The following RAB22A variants were observed in gnomAD, a reference collection of about 807,000 sequenced individuals.
RAB22A encodes the protein RAB22A, member RAS oncogene family.
In RAB22A, 13 loss-of-function variants were observed where a neutral mutation model predicts 30.2. That is an observed-to-expected ratio of 0.43 (90% CI 0.28 to 0.68). The LOEUF (loss-of-function observed/expected upper bound fraction) is 0.68, where lower values mean the gene tolerates loss of function less well. Among genes scored for constraint, RAB22A ranks in the 30% least tolerant of loss-of-function variants. RAB22A has a pLI of 0.18. For missense variants in RAB22A, 177 were observed against 246.8 expected (o/e 0.72, Z 1.89); for synonymous variants, 89 against 87.2 (o/e 1.02, Z -0.11).
intron 2 of RAB22A, among the ~76,000 whole-genome samples, chr20:58,314,079 C>CAG (rs1351472705): frequency 2.0e-5 from 3 of 147,666 alleles, no homozygotes; most frequent in African/African-American, 7.6e-5. Flanking sequence ...GACTGAGTCT[C>CAG]TCTCTATTAC....
rs1392616682 is a variant in RAB22A at position 58,317,598 on chromosome 20, G to A, written c.116+6476G>A. On this transcript the variant is annotated intron_variant, in intron 2 of 6. Coordinates refer to ENST00000244040, the MANE Select transcript of RAB22A (RefSeq NM_020673.3). ...TTTTGAGACAGAGTCTCGCTCTGTC[G>A]CCCAGGCTGGAGTGCAGTGGCGCGA... Among the ~76,000 whole-genome samples, 14 of 131,866 alleles carry A rather than the reference G, an allele frequency of 1.1e-4. No individual in the cohort carries two copies. The East Asian group carries it at 1.3e-3, about 13-fold the overall frequency. The allele number at this position is 131,866 out of a possible 152,430, so 86.5% of individuals were successfully genotyped here.
At chr20:58,343,606 C>T in intron 2 of RAB22A, 112 bp from the exon 3 acceptor site, 1 of 734,038 alleles carries the variant, frequency 1.4e-6, no homozygotes, top group Non-Finnish European at 2.3e-6. Context: ...AATTAGGATA[C>T]AGCGTGGTGC....
chr20:58,351,352 A>G (rs1345769980), intron 3 of RAB22A, among the ~76,000 whole-genome samples: 3 of 152,088 alleles, frequency 2.0e-5, no homozygotes, highest in Admixed American at 2.0e-4. Flanking sequence ...AAAAAAGAAA[A>G]ATGTGCAGTA....
rs1987249076 is a variant in RAB22A, at chr20:58,362,836, C to G, written c.*3133C>G. The G allele has an allele frequency of 6.6e-6, 1 of 152,222 alleles. No individual in the cohort carries two copies. Among genetic ancestry groups the G allele is most frequent in the South Asian group, 2.1e-4 (1 of 4,832 alleles). 9.4% of individuals were successfully genotyped at this position (152,222 alleles called of 1,614,324 possible). Reference sequence around the variant, plus strand: ...CTGTTTCCCATTGTGTACGCACTTTCTGGATGTCTGGAAGGATCGGGACTT... The same window carrying G: ...CTGTTTCCCATTGTGTACGCACTTTGTGGATGTCTGGAAGGATCGGGACTT... On this transcript the variant is annotated 3_prime_UTR_variant, in exon 7 of 7. Transcript: ENST00000244040.
chr20:58,310,055 G>A lies in RAB22A; in HGVS notation c.36+43G>A, dbSNP rs1384490453. 7 of 1,257,686 alleles carry A rather than the reference G, an allele frequency of 5.6e-6. No homozygotes were observed. The East Asian group carries it at 1.3e-4, about 22-fold the overall frequency. The allele number at this position is 1,257,686 out of a possible 1,614,324, so 77.9% of individuals were successfully genotyped here. On this transcript the variant is annotated intron_variant, in intron 1 of 6. Coordinates refer to ENST00000244040, the MANE Select transcript of RAB22A (RefSeq NM_020673.3). ...CGGCCGGGAGGGCCACGGGAGGCTGGGCTGGCGGGGACCCCGGATCCCCCC... is the reference window on the plus strand; with the variant it reads ...CGGCCGGGAGGGCCACGGGAGGCTGAGCTGGCGGGGACCCCGGATCCCCCC...
At chr20:58,343,604 T>C in intron 2 of RAB22A, 114 bp from the exon 3 acceptor site, 1 of 724,588 alleles carries the variant, frequency 1.4e-6, no homozygotes, top group Admixed American at 2.3e-5. Flanking sequence ...ACAATTAGGA[T>C]ACAGCGTGGT....
chr20:58,318,217 C>G (rs1986382338), intron 2 of RAB22A, among the ~76,000 whole-genome samples: 1 of 152,176 alleles, frequency 6.6e-6, no homozygotes, highest in Non-Finnish European at 1.5e-5. Context: ...TTATTTGTAT[C>G]AAAGCAATGT....
chr20:58,318,905 AT>A (rs1310031169), intron 2 of RAB22A, among the ~76,000 whole-genome samples: 2 of 152,238 alleles, frequency 1.3e-5, no homozygotes, highest in Non-Finnish European at 2.9e-5. Flanking sequence ...ACATTTGGGA[AT>A]CCTCCTTGGC....
intron 2 of RAB22A, among the ~76,000 whole-genome samples, chr20:58,317,440 G>T (rs1402816055): frequency 1.3e-5 from 2 of 151,940 alleles, no homozygotes; most frequent in African/African-American, 4.8e-5. Flanking sequence ...TCATAAGCAA[G>T]TAAGGATAAT....
In RAB22A at chr20:58,365,630, G is replaced by A. The variant is rs1366979467; in HGVS notation, c.*5927G>A. ...TCTTTACAGGGTGAATTAATCGGCA[G>A]CTGGCTAGTCAGAGCAACTGATGGG... is the stretch of plus-strand genomic sequence containing the variant. On this transcript the variant is annotated 3_prime_UTR_variant, in exon 7 of 7. Transcript: ENST00000244040. 3 of 152,182 alleles carry A rather than the reference G, an allele frequency of 2.0e-5. No individual in the cohort carries two copies. Among genetic ancestry groups the A allele is most frequent in the African/African-American group, 7.2e-5 (3 of 41,398 alleles). The allele number at this position is 152,182 out of a possible 1,614,324, so 9.4% of individuals were successfully genotyped here. A position where few individuals can be genotyped will look rare whatever the true frequency, so the allele number is the denominator to read the frequency against.
intron 2 of RAB22A, among the ~76,000 whole-genome samples, chr20:58,337,646 G>C (rs1460144715): frequency 1.3e-5 from 2 of 152,204 alleles, no homozygotes; most frequent in East Asian, 1.9e-4. Context: ...TTGCCTGCCT[G>C]GTGTTCCTGC....
rs371743788 is a variant in RAB22A at position 58,311,078 on chromosome 20, G to A, written c.72G>A (p.Arg24=). 1.2e-6 allele frequency: 2 copies of A among 1,606,482 alleles called. No homozygotes were observed. The highest frequency in any genetic ancestry group is 2.7e-5 in the African/African-American group (2 of 74,728). ...TAGGTAAATCGAGTATTGTGTGGCGGTTTGTGGAAGACAGTTTTGATCCAA... is the reference window on the plus strand; with the variant it reads ...TAGGTAAATCGAGTATTGTGTGGCGATTTGTGGAAGACAGTTTTGATCCAA... ...TGVGKSSIVW[R]FVEDSFDPNI... The change falls in exon 2 of 7, where the codon CGG becomes CGA. Residue 24 remains arginine (R), a synonymous_variant. Coordinates refer to ENST00000244040, the MANE Select transcript of RAB22A (RefSeq NM_020673.3).
intron 3 of RAB22A, among the ~76,000 whole-genome samples, chr20:58,351,422 G>A (rs1436702250): frequency 6.6e-6 from 1 of 151,952 alleles, no homozygotes; most frequent in Non-Finnish European, 1.5e-5. Flanking sequence ...CAGTTCAAAA[G>A]TCAGTAGAGA....
chr20:58,322,927 A>G (rs1209140530), intron 2 of RAB22A, among the ~76,000 whole-genome samples: 3 of 152,164 alleles, frequency 2.0e-5, no homozygotes, highest in African/African-American at 7.2e-5. Flanking sequence ...GTTCTTCAGC[A>G]ATGTCTTGGC....
At chr20:58,312,498 TTTTTTTTTG>T in intron 2 of RAB22A, among the ~76,000 whole-genome samples, 1 of 119,828 alleles carries the variant, frequency 8.3e-6, no homozygotes, top group African/African-American at 3.3e-5. Context: ...TTTTTTTTTT[TTTTTTTTTG>T]AGGTGGAGTC....
rs1987318982 is a variant in RAB22A at position 58,366,469 on chromosome 20, T to G, written c.*6766T>G. The G allele has an allele frequency of 6.6e-6, 1 of 151,054 alleles. No homozygotes were observed. Among genetic ancestry groups the G allele is most frequent in the African/African-American group, 2.4e-5 (1 of 41,124 alleles). The allele number at this position is 151,054 out of a possible 1,614,324, so 9.4% of individuals were successfully genotyped here. On this transcript the variant is annotated 3_prime_UTR_variant, in exon 7 of 7. Transcript: ENST00000244040. ...GTATATTTGAAAACAGCTAGAAGAA[T>G]AAGAATATTCCCAACACAAAGAAAA...
At position 58,353,232 on chromosome 20, in the gene RAB22A, C is replaced by G. The variant is rs1299229578; in HGVS notation, c.199-41C>G. Reference sequence around the variant, plus strand: ...AAATCTAGTATAAAACATATTTAACCAGTTTTCCCAATTTTGTTTATTTTT... The same window carrying G: ...AAATCTAGTATAAAACATATTTAACGAGTTTTCCCAATTTTGTTTATTTTT... On this transcript the variant is annotated intron_variant, in intron 3 of 6. Transcript: ENST00000244040. 2.0e-6 allele frequency: 3 copies of G among 1,538,060 alleles called. No individual in the cohort carries two copies. In the South Asian group the frequency reaches 3.4e-5, roughly 18 times the overall value.
rs548144911 is a variant in RAB22A, at chr20:58,363,519, G to A, written c.*3816G>A. Reference sequence around the variant, plus strand: ...TTTGGGAAATGACAAACTCAGGCTGGCTCTCCTCTCTAACCTCACTGGGCT... The same window carrying A: ...TTTGGGAAATGACAAACTCAGGCTGACTCTCCTCTCTAACCTCACTGGGCT... On this transcript the variant is annotated 3_prime_UTR_variant, in exon 7 of 7. Coordinates refer to ENST00000244040, the MANE Select transcript of RAB22A (RefSeq NM_020673.3). The A allele has an allele frequency of 6.6e-6, 1 of 152,190 alleles. No homozygotes were observed. The highest frequency in any genetic ancestry group is 1.5e-5 in the Non-Finnish European group (1 of 68,012). 9.4% of individuals were successfully genotyped at this position (152,190 alleles called of 1,614,324 possible).
chr20:58,321,122 G>A (rs919165178), intron 2 of RAB22A, among the ~76,000 whole-genome samples: 4 of 151,792 alleles, frequency 2.6e-5, no homozygotes, highest in Non-Finnish European at 4.4e-5. Flanking sequence ...CCCTGGAGGC[G>A]GAGGTTGCAG....
Sources: allele counts gnomAD v4.1 joint callset (sites outside exome capture counted in the v4.1 genomes callset), GRCh38; gene constraint gnomAD v4.1.1; transcripts MANE v1.5; gene names NCBI Gene and HGNC (gene_info 2026-07-23, HGNC 2026-07-21).